The following DGKB variants were observed in gnomAD, a reference collection of about 807,000 sequenced individuals.
The protein encoded by DGKB is 90 kDa diacylglycerol kinase.
DGKB carries 67 observed loss-of-function variants against 114.3 expected under a neutral mutation model. The ratio of observed to expected loss-of-function variants is 0.59; its 90% confidence interval spans 0.48 to 0.72. The LOEUF is 0.72. Ranked by LOEUF, DGKB falls within the 30% of genes least tolerant of loss-of-function variation. The probability of loss-of-function intolerance (pLI) is 0.00; values close to 1 mark genes in which losing one functional copy is unlikely to be tolerated. For missense variants in DGKB, 907 were observed against 975.2 expected (o/e 0.93, Z 0.93); for synonymous variants, 398 against 323.1 (o/e 1.23, Z -2.49).
At chr7:14,407,986 C>A (rs1207539404) in intron 21 of DGKB, among the ~76,000 whole-genome samples, 2 of 152,126 alleles carry the variant, frequency 1.3e-5, no homozygotes, top group Non-Finnish European at 2.9e-5. Flanking sequence ...CTACCCTCCC[C>A]CAATCCTCAC....
intron 25 of DGKB, among the ~76,000 whole-genome samples, chr7:14,159,480 A>G (rs1562496076): frequency 6.6e-6 from 1 of 152,098 alleles, no homozygotes. Context: ...ACCTTATATC[A>G]TTATTGAAAT....
intron 6 of DGKB, among the ~76,000 whole-genome samples, chr7:14,717,392 C>T (rs1828380195): frequency 6.6e-6 from 1 of 152,132 alleles, no homozygotes; most frequent in African/African-American, 2.4e-5. Flanking sequence ...TAGAAATTCA[C>T]TGAACATTAA....
chr7:14,451,553 C>CTCTT (rs1485309479), intron 21 of DGKB, among the ~76,000 whole-genome samples: 1 of 151,236 alleles, frequency 6.6e-6, no homozygotes, highest in African/African-American at 2.4e-5. Context: ...CTGTCTCTCT[C>CTCTT]TCTCTCTCTC....
intron 21 of DGKB, among the ~76,000 whole-genome samples, chr7:14,466,199 C>A (rs187051358): frequency 2.0e-5 from 3 of 152,088 alleles, no homozygotes; most frequent in Admixed American, 6.6e-5. Context: ...TACGAACAAG[C>A]GCTCATTGAG....
At chr7:14,685,835 T>C (rs1416336746) in intron 9 of DGKB, among the ~76,000 whole-genome samples, 1 of 152,134 alleles carries the variant, frequency 6.6e-6, no homozygotes, top group African/African-American at 2.4e-5. Flanking sequence ...TCAGGTCATG[T>C]AAGGTGGCAG....
rs111450104 is a variant in DGKB, at chr7:14,920,725, G to C, written c.-188+53971C>G. Among the ~76,000 whole-genome samples, 950 of 152,126 alleles carry C rather than the reference G, an allele frequency of 6.2e-3. 13 individuals carry two copies. Among genetic ancestry groups the C allele is most frequent in the African/African-American group, 0.021 (889 of 41,494 alleles). On this transcript the variant is annotated intron_variant, in intron 1 of 4. Transcript: ENST00000437998. Reference sequence around the variant, plus strand: ...GTTTATAGCAGCTTTATACATAATTGCAAAAAACTGAAAGCAACCAAGATG... The same window carrying C: ...GTTTATAGCAGCTTTATACATAATTCCAAAAAACTGAAAGCAACCAAGATG...
intron 2 of DGKB, among the ~76,000 whole-genome samples, chr7:14,788,291 A>C (rs970055388): frequency 2.0e-5 from 3 of 152,244 alleles, no homozygotes; most frequent in Admixed American, 1.3e-4. Flanking sequence ...CTGAGGATGC[A>C]GCAGAAGATC....
chr7:14,878,914 A>G (rs1034440325), intron 1 of DGKB, among the ~76,000 whole-genome samples: 4 of 149,584 alleles, frequency 2.7e-5, no homozygotes, highest in African/African-American at 1.0e-4. Context: ...AGGTTACAAG[A>G]TCTGCCGGCC....
rs569392790 is a variant in DGKB, at chr7:14,729,215, T to C, written c.322+6826A>G. Among the ~76,000 whole-genome samples, 154 of 146,680 alleles carry C rather than the reference T, an allele frequency of 1.0e-3. 1 individual carries two copies. Among genetic ancestry groups the C allele is most frequent in the East Asian group, 2.8e-3 (14 of 4,932 alleles). On this transcript the variant is annotated intron_variant, in intron 5 of 25. Transcript: ENST00000402815. Reference sequence around the variant, plus strand: ...TCGGCTCACTGCAAGCTCCGCCTCCTGGGTTCACGCCATTCTCCCGCCTCA... The same window carrying C: ...TCGGCTCACTGCAAGCTCCGCCTCCCGGGTTCACGCCATTCTCCCGCCTCA...
At chr7:14,850,922 T>C (rs1317703394) in intron 1 of DGKB, among the ~76,000 whole-genome samples, 1 of 152,182 alleles carries the variant, frequency 6.6e-6, no homozygotes, top group African/African-American at 2.4e-5. Context: ...GTGTAGTGAA[T>C]CATTAAATCT....
At position 14,300,079 on chromosome 7, in the gene DGKB, A is replaced by C. The variant is rs191308622; in HGVS notation, c.2122+38436T>G. ...TTATCATACTTTAATGATTTCTGAA[A>C]GATATCTACCAAAAAATAGTATAAA... On this transcript the variant is annotated intron_variant, in intron 23 of 25. Transcript: ENST00000402815. Among the ~76,000 whole-genome samples the C allele has an allele frequency of 7.6e-3, 1,163 of 152,194 alleles. 18 individuals are homozygous for C. The highest frequency in any genetic ancestry group is 0.027 in the African/African-American group (1,126 of 41,548).
intron 1 of DGKB, among the ~76,000 whole-genome samples, chr7:14,933,678 A>T (rs987148793): frequency 1.3e-5 from 2 of 152,194 alleles, no homozygotes; most frequent in Non-Finnish European, 2.9e-5. Context: ...AAAGCAACTA[A>T]GGTCTTATTA....
chr7:14,722,726 C>T (rs996780761), intron 5 of DGKB, among the ~76,000 whole-genome samples: 4 of 151,910 alleles, frequency 2.6e-5, no homozygotes, highest in Non-Finnish European at 5.9e-5. Flanking sequence ...GCAGGAGAAT[C>T]GCTGGAACCC....
At chr7:14,519,365 C>G (rs1789366792) in intron 20 of DGKB, among the ~76,000 whole-genome samples, 2 of 152,056 alleles carry the variant, frequency 1.3e-5, no homozygotes, top group Admixed American at 1.3e-4. Flanking sequence ...TTCCATCCAG[C>G]TTCCTTCACT....
At chr7:14,532,687 T>C (rs1270326468) in intron 20 of DGKB, among the ~76,000 whole-genome samples, 1 of 151,524 alleles carries the variant, frequency 6.6e-6, no homozygotes, top group Non-Finnish European at 1.5e-5. Flanking sequence ...TTAACACATA[T>C]GCAGATGTAT....
At chr7:14,647,337 A>G (rs1000891890) in intron 13 of DGKB, among the ~76,000 whole-genome samples, 5 of 151,500 alleles carry the variant, frequency 3.3e-5, no homozygotes, top group Non-Finnish European at 7.4e-5. Context: ...CAAAAAGAAA[A>G]CAACAACAAC....
Position 14,364,027 on chromosome 7 carries a change from A to G in DGKB, c.1836-18636T>C, listed in dbSNP as rs145442560. Reference sequence around the variant, plus strand: ...GCAAATCAACAAGTTTCTATAGTACAGGTCAGCTCGGTACTGTGTGGCCAC... The same window carrying G: ...GCAAATCAACAAGTTTCTATAGTACGGGTCAGCTCGGTACTGTGTGGCCAC... On this transcript the variant is annotated intron_variant, in intron 21 of 25. Transcript: ENST00000402815. Among the ~76,000 whole-genome samples the G allele has an allele frequency of 1.6e-4, 24 of 152,214 alleles. No individual in the cohort carries two copies. In the East Asian group the frequency reaches 4.6e-3, roughly 29 times the overall value.
At chr7:14,921,617 A>C (rs1784511712) in intron 1 of DGKB, among the ~76,000 whole-genome samples, 1 of 152,212 alleles carries the variant, frequency 6.6e-6, no homozygotes, top group African/African-American at 2.4e-5. Context: ...TAAAATATGT[A>C]AAGGCCAAGG....
chr7:14,148,032 A>T lies in DGKB; in HGVS notation c.*1099T>A, dbSNP rs1781665893. ...CCATTTATACTAGAAATAAACTGAT[A>T]CAATCATTTACTTCCTTCAAGTGTA... On this transcript the variant is annotated 3_prime_UTR_variant, in exon 26 of 26. Coordinates refer to ENST00000402815, the MANE Select transcript of DGKB (RefSeq NM_001350709.2). The T allele has an allele frequency of 6.6e-6, 1 of 152,154 alleles. No homozygotes were observed. 9.4% of individuals were successfully genotyped at this position (152,154 alleles called of 1,614,324 possible).
Sources: gnomAD v4.1 joint callset for allele counts (sites outside exome capture counted in the v4.1 genomes callset) on GRCh38, gnomAD v4.1.1 for gene constraint, MANE v1.5 for transcripts, NCBI Gene and HGNC (gene_info 2026-07-23, HGNC 2026-07-21) for gene names.